The following PHF2 variants were observed in gnomAD, a reference collection of about 807,000 sequenced individuals.
The protein encoded by PHF2 is lysine-specific demethylase PHF2.
PHF2 carries 27 observed loss-of-function variants against 120.5 expected under a neutral mutation model. The observed-to-expected ratio is 0.22, with a 90% CI of 0.17 to 0.31. The LOEUF (loss-of-function observed/expected upper bound fraction) is 0.31, where lower values mean the gene tolerates loss of function less well. Ranked by LOEUF, PHF2 falls within the 10% of genes least tolerant of loss-of-function variation. The pLI is 1.00. For missense variants in PHF2, 1,024 were observed against 1,434.8 expected, an observed-to-expected ratio of 0.71 and a Z score of 4.63; for synonymous variants, 568 against 592.5, an observed-to-expected ratio of 0.96 and a Z score of 0.60.
chr9:93,646,233 C>G (rs1057225811), intron 4 of PHF2, among the ~76,000 whole-genome samples: 2 of 152,244 alleles, frequency 1.3e-5, no homozygotes, highest in Non-Finnish European at 2.9e-5. Flanking sequence ...CGTCTGGGTT[C>G]TAGCCAGTGC....
At chr9:93,618,637 G>A (rs56351334) in intron 1 of PHF2, among the ~76,000 whole-genome samples, 105,049 of 152,184 alleles carry the variant, frequency 0.69, 37,026 homozygotes, top group African/African-American at 0.82. Context: ...TATTTTTGGT[G>A]TCTTACCATG....
rs1564398328 is a variant in PHF2, at chr9:93,660,267, A to G, written c.1405A>G (p.Lys469Glu). The G allele has an allele frequency of 1.2e-6, 2 of 1,608,968 alleles. No individual in the cohort carries two copies. The highest frequency in any genetic ancestry group is 1.7e-4 in the Middle Eastern group (1 of 6,032). ...TGAGGTGTGTGACGGGGACCGGGAG[A>G]AGGAGGAGCCCCCGTCTCCCATTGA... ...SDEVCDGDRE[K>E]EEPPSPIEAT... Residue 469 changes from lysine (K) to glutamate (E), a missense_variant, in exon 12 of 22, where the codon AAG (lysine) becomes GAG (glutamate). By Grantham distance (56) the Lys-to-Glu change is moderately conservative (BLOSUM62 1). Transcript: ENST00000359246.
intron 17 of PHF2, among the ~76,000 whole-genome samples, chr9:93,673,159 G>A (rs1415747081): frequency 1.3e-5 from 2 of 151,948 alleles, no homozygotes; most frequent in African/African-American, 2.4e-5. Flanking sequence ...GGCTAGTTCT[G>A]TAGTTGGGAG....
chr9:93,652,958 G>T lies in PHF2; in HGVS notation c.603-221G>T, dbSNP rs1204291804. On this transcript the variant is annotated intron_variant, in intron 5 of 21. Transcript: ENST00000359246. ...TTCTCATTATCTTCTGGGGGTGGAG[G>T]CCAGCGTCAGACCCAGTCTCCTGCC... Among the ~76,000 whole-genome samples, 3 of 152,276 alleles carry T rather than the reference G, an allele frequency of 2.0e-5. No individual in the cohort carries two copies. The East Asian group carries it at 5.8e-4, about 29-fold the overall frequency.
intron 1 of PHF2, among the ~76,000 whole-genome samples, chr9:93,595,642 TTG>T (rs1825317900): frequency 6.6e-6 from 1 of 152,228 alleles, no homozygotes; most frequent in African/African-American, 2.4e-5. Context: ...AGACCGAGAT[TTG>T]CATCTTCTGT....
chr9:93,610,516 T>G (rs528635989), intron 1 of PHF2, among the ~76,000 whole-genome samples: 1 of 152,338 alleles, frequency 6.6e-6, no homozygotes. Flanking sequence ...ATTACAGACT[T>G]TAGCATATTA....
chr9:93,645,394 G>A lies in PHF2; in HGVS notation c.300-235G>A, dbSNP rs570109387. 9.5e-4 allele frequency among the ~76,000 whole-genome samples: 145 copies of A among 152,354 alleles called. 1 individual carries two copies. Among genetic ancestry groups the A allele is most frequent in the African/African-American group, 3.1e-3 (129 of 41,590 alleles). On this transcript the variant is annotated intron_variant, in intron 3 of 21. Transcript: ENST00000359246. ...ACCTCTTGACATTTCCATGTGACAC[G>A]TGAGACCCCATGTCCCTGCTCCCCC...
At chr9:93,625,533 A>G (rs1347904946) in intron 1 of PHF2, among the ~76,000 whole-genome samples, 1 of 126,708 alleles carries the variant, frequency 7.9e-6, no homozygotes, top group Non-Finnish European at 1.5e-5. Context: ...GCTTGAGTGC[A>G]GTGGCACAGT....
At chr9:93,602,322 G>A (rs1825457567) in intron 1 of PHF2, among the ~76,000 whole-genome samples, 1 of 131,934 alleles carries the variant, frequency 7.6e-6, no homozygotes, top group South Asian at 2.3e-4. Context: ...GCACGATCTC[G>A]GCTCACTGCA....
chr9:93,634,177 C>A (rs1826053603), intron 2 of PHF2, among the ~76,000 whole-genome samples: 1 of 152,178 alleles, frequency 6.6e-6, no homozygotes, highest in Admixed American at 6.5e-5. Flanking sequence ...TTCCACAAGG[C>A]CTTCCAAGGC....
chr9:93,677,841 C>T lies in PHF2; in HGVS notation c.*165C>T, dbSNP rs28380699. On this transcript the variant is annotated 3_prime_UTR_variant, in exon 22 of 22. Transcript: ENST00000359246. This position sits in a 1 kb window ranked among gnomAD's most constrained non-coding sequence, Gnocchi z 4.4. ...CTGTCCCTTCAGCCGGCAGAGCGAG[C>T]CCAGCGTGGCCCCTCAATTTGAAAA... The T allele has an allele frequency of 7.1e-3, 4,221 of 595,996 alleles. 135 individuals carry two copies. The highest frequency in any genetic ancestry group is 0.07 in the African/African-American group (3,761 of 53,570). 36.9% of individuals were successfully genotyped at this position (595,996 alleles called of 1,614,324 possible). A position where few individuals can be genotyped will look rare whatever the true frequency, so the allele number is the denominator to read the frequency against.
intron 1 of PHF2, among the ~76,000 whole-genome samples, chr9:93,629,518 G>A (rs1017536160): frequency 6.6e-6 from 1 of 152,212 alleles, no homozygotes; most frequent in African/African-American, 2.4e-5. Context: ...GCCCCCATGA[G>A]GATGAGCTGG....
chr9:93,593,595 A>C (rs1825274929), intron 1 of PHF2, among the ~76,000 whole-genome samples: 2 of 152,240 alleles, frequency 1.3e-5, no homozygotes. Context: ...ACAAATTTAA[A>C]AGTATATAAA....
intron 3 of PHF2, among the ~76,000 whole-genome samples, chr9:93,637,979 G>A (rs1018527931): frequency 2.6e-5 from 4 of 152,138 alleles, no homozygotes; most frequent in Admixed American, 1.3e-4. Context: ...CTAGCCATGC[G>A]AGTGGGTATG....
chr9:93,608,159 G>A (rs1228443597), intron 1 of PHF2, among the ~76,000 whole-genome samples: 3 of 152,096 alleles, frequency 2.0e-5, no homozygotes, highest in East Asian at 3.8e-4. Context: ...GGACATCCTT[G>A]CCTTTTTCCT....
intron 1 of PHF2, among the ~76,000 whole-genome samples, chr9:93,604,045 CT>C (rs1329392022): frequency 6.6e-6 from 1 of 152,208 alleles, no homozygotes; most frequent in Admixed American, 6.5e-5. Context: ...GTGAGCATCT[CT>C]GCTGAGTTGG....
rs1005976860 is a variant in PHF2, at chr9:93,656,333, G to C, written c.1041-156G>C. 1.3e-5 allele frequency among the ~76,000 whole-genome samples: 2 copies of C among 152,078 alleles called. No individual in the cohort carries two copies. Among genetic ancestry groups the C allele is most frequent in the African/African-American group, 2.4e-5 (1 of 41,414 alleles). ...CTGACAGAACTCTCATGGGCCCCGAGGTCTGCAGCCACCAGGGCAGTTTTC... is the reference window on the plus strand; with the variant it reads ...CTGACAGAACTCTCATGGGCCCCGACGTCTGCAGCCACCAGGGCAGTTTTC... On this transcript the variant is annotated intron_variant, in intron 8 of 21. Transcript: ENST00000359246. This position sits in a 1 kb window ranked among gnomAD's most constrained non-coding sequence, Gnocchi z 4.1.
intron 1 of PHF2, among the ~76,000 whole-genome samples, chr9:93,614,177 G>T (rs1383508638): frequency 6.6e-6 from 1 of 152,240 alleles, no homozygotes; most frequent in Non-Finnish European, 1.5e-5. Context: ...TCACCCACTT[G>T]TTTTGTGGAT....
intron 1 of PHF2, among the ~76,000 whole-genome samples, chr9:93,603,064 T>G (rs1178132903): frequency 6.6e-6 from 1 of 152,190 alleles, no homozygotes; most frequent in Non-Finnish European, 1.5e-5. Flanking sequence ...TGACCAGGTC[T>G]GCCCTTTCCT....
Sources: gnomAD v4.1 joint callset for allele counts (sites outside exome capture counted in the v4.1 genomes callset) on GRCh38, gnomAD v4.1.1 for gene constraint, Gnocchi (gnomAD v3.1) non-coding constraint, MANE v1.5 for transcripts, NCBI Gene and HGNC (gene_info 2026-07-23, HGNC 2026-07-21) for gene names.